CEP85L: variants seen among roughly 807,000 people sequenced by gnomAD.
The protein encoded by CEP85L is centrosomal protein of 85 kDa-like.
In CEP85L, 60 loss-of-function variants were observed where a neutral mutation model predicts 100.3. The observed-to-expected ratio is 0.60, with a 90% CI of 0.49 to 0.74. The LOEUF is 0.74. Ranked by LOEUF, CEP85L falls within the 30% of genes least tolerant of loss-of-function variation. The pLI is 0.00. For missense variants in CEP85L, 973 were observed against 936.2 expected (o/e 1.04, Z -0.51); for synonymous variants, 319 against 322.7 (o/e 0.99, Z 0.12).
chr6:118,521,409 A>G (rs1489860827), intron 4 of CEP85L, among the ~76,000 whole-genome samples: 1 of 152,240 alleles, frequency 6.6e-6, no homozygotes, highest in Non-Finnish European at 1.5e-5. Context: ...GTTTTATACA[A>G]TATCAAATGC....
chr6:118,585,829 C>T (rs1317585207), intron 2 of CEP85L, among the ~76,000 whole-genome samples: 2 of 152,114 alleles, frequency 1.3e-5, no homozygotes, highest in East Asian at 3.9e-4. Flanking sequence ...ACCCAAAGAA[C>T]AAAAAGATAC....
chr6:118,600,572 T>C (rs993300631), intron 2 of CEP85L, among the ~76,000 whole-genome samples: 3 of 151,438 alleles, frequency 2.0e-5, no homozygotes, highest in Non-Finnish European at 4.4e-5. Context: ...TCCACCCACC[T>C]TGGCCTCCCA....
At chr6:118,621,823 C>T (rs1211775936) in intron 2 of CEP85L, among the ~76,000 whole-genome samples, 4 of 152,152 alleles carry the variant, frequency 2.6e-5, no homozygotes, top group African/African-American at 9.7e-5. Flanking sequence ...CGGCTTTTGC[C>T]AACTGTGAAT....
chr6:118,574,834 G>C (rs1203975628), intron 2 of CEP85L, among the ~76,000 whole-genome samples: 1 of 152,224 alleles, frequency 6.6e-6, no homozygotes, highest in East Asian at 1.9e-4. Context: ...GTGGAGTCCA[G>C]ATCCATGGTT....
At chr6:118,647,609 A>C (rs1266973589) in intron 1 of CEP85L, among the ~76,000 whole-genome samples, 1 of 152,052 alleles carries the variant, frequency 6.6e-6, no homozygotes, top group African/African-American at 2.4e-5. Context: ...TGATCCGCCC[A>C]CCTCGGCCTC....
intron 2 of CEP85L, among the ~76,000 whole-genome samples, chr6:118,577,293 A>G (rs1173763637): frequency 1.3e-5 from 2 of 152,124 alleles, no homozygotes; most frequent in Non-Finnish European, 2.9e-5. Flanking sequence ...ACTATTGGAT[A>G]CTCTGCCAAG....
chr6:118,623,873 T>C (rs1030325178), intron 2 of CEP85L, among the ~76,000 whole-genome samples: 2 of 152,186 alleles, frequency 1.3e-5, no homozygotes, highest in Non-Finnish European at 2.9e-5. Flanking sequence ...GAAGATCTAG[T>C]AGTGGTCAAG....
chr6:118,491,911 T>G, intron 5 of CEP85L, 46 bp from the exon 6 acceptor site: 1 of 1,402,412 alleles, frequency 7.1e-7, no homozygotes, highest in Non-Finnish European at 9.8e-7. Context: ...AAGTTTGTCT[T>G]GAACAAATGT....
At chr6:118,542,900 CAAAAAAAAAA>C (rs71012391) in intron 3 of CEP85L, among the ~76,000 whole-genome samples, 2 of 67,164 alleles carry the variant, frequency 3.0e-5, no homozygotes, top group East Asian at 3.9e-4. Flanking sequence ...CAAGTTTTCC[CAAAAAAAAAA>C]AAAAAAAAAA....
At chr6:118,667,001 C>A (rs1290778122) in intron 1 of CEP85L, among the ~76,000 whole-genome samples, 10 of 152,122 alleles carry the variant, frequency 6.6e-5, no homozygotes, top group Non-Finnish European at 1.5e-4. Flanking sequence ...TAATTAGTTG[C>A]CACAAATTCA....
intron 5 of CEP85L, among the ~76,000 whole-genome samples, chr6:118,492,363 T>C (rs775042457): frequency 2.0e-5 from 3 of 152,170 alleles, no homozygotes; most frequent in Non-Finnish European, 4.4e-5. Flanking sequence ...GTAAGATCCA[T>C]GAATCGGGGA....
At chr6:118,475,347 A>ATATTTTTTTTTTTTTT (rs1470175603) in intron 10 of CEP85L, among the ~76,000 whole-genome samples, 1 of 79,038 alleles carries the variant, frequency 1.3e-5, no homozygotes. Flanking sequence ...TGTAGGTGAC[A>ATATTTTTTTTTTTTTT]TTTTTTTTTT....
At chr6:118,506,882 T>C (rs990152286) in intron 5 of CEP85L, among the ~76,000 whole-genome samples, 1 of 152,182 alleles carries the variant, frequency 6.6e-6, no homozygotes, top group Non-Finnish European at 1.5e-5. Context: ...ACTTGCTTGC[T>C]TTCCTTTCTA....
chr6:118,601,205 T>TG (rs1345644736), intron 2 of CEP85L, among the ~76,000 whole-genome samples: 53 of 152,334 alleles, frequency 3.5e-4, no homozygotes, highest in African/African-American at 1.2e-3. Flanking sequence ...ATCAAATGAG[T>TG]TAACATGTGT....
At chr6:118,564,875 T>G (rs1050764644) in intron 3 of CEP85L, among the ~76,000 whole-genome samples, 1 of 152,160 alleles carries the variant, frequency 6.6e-6, no homozygotes, top group African/African-American at 2.4e-5. Context: ...ATTAAGAAAT[T>G]TACACATTTA....
chr6:118,567,315 A>G (rs999956753), intron 2 of CEP85L, among the ~76,000 whole-genome samples: 1 of 144,170 alleles, frequency 6.9e-6, no homozygotes, highest in Non-Finnish European at 1.5e-5. Flanking sequence ...CTAGAACCTT[A>G]GAGTCTACTT....
intron 5 of CEP85L, among the ~76,000 whole-genome samples, chr6:118,497,662 A>C (rs1472401882): frequency 6.6e-6 from 1 of 152,192 alleles, no homozygotes; most frequent in East Asian, 1.9e-4. Context: ...ATCCTTCAAG[A>C]GCGAAAGAGA....
In CEP85L at chr6:118,579,277, T is replaced by C. The variant is rs77314436; in HGVS notation, c.233-12961A>G. Among the ~76,000 whole-genome samples, 558 of 152,100 alleles carry C rather than the reference T, an allele frequency of 3.7e-3. 3 individuals are homozygous for C. Among genetic ancestry groups the C allele is most frequent in the African/African-American group, 0.013 (532 of 41,474 alleles). ...AGATTACTGCCAATTTAAAGGACAA[T>C]TTGATGTATGGTTCAAAGAGGTCAA... On this transcript the variant is annotated intron_variant, in intron 2 of 12. Coordinates refer to ENST00000368491, the MANE Select transcript of CEP85L (RefSeq NM_001042475.3).
chr6:118,475,481 G>A (rs965358301), intron 10 of CEP85L, among the ~76,000 whole-genome samples: 1 of 151,232 alleles, frequency 6.6e-6, no homozygotes, highest in Non-Finnish European at 1.5e-5. Context: ...AGCCTCCTGA[G>A]TAGCTGGGAC....
Sources: gnomAD v4.1 joint callset for allele counts (sites outside exome capture counted in the v4.1 genomes callset) on GRCh38, gnomAD v4.1.1 for gene constraint, MANE v1.5 for transcripts, NCBI Gene and HGNC (gene_info 2026-07-23, HGNC 2026-07-21) for gene names.